Variants in CABCOCO1 observed in about 807,000 individuals in gnomAD.
CABCOCO1 encodes ciliary associated calcium binding coiled-coil 1.
CABCOCO1 carries 28 observed loss-of-function variants against 35.7 expected under a neutral mutation model. The observed-to-expected ratio is 0.78, with a 90% CI of 0.58 to 1.07. The LOEUF (loss-of-function observed/expected upper bound fraction) is 1.07. CABCOCO1 is among the 50% of genes least tolerant of loss of function. CABCOCO1 has a pLI of 0.00. For synonymous variants in CABCOCO1, 95 were observed against 100.1 expected, an observed-to-expected ratio of 0.95 and a Z score of 0.30; for missense variants, 326 against 309.2, an observed-to-expected ratio of 1.05 and a Z score of -0.41.
chr10:61,686,964 TG>T (rs1839984055), intron 4 of CABCOCO1, among the ~76,000 whole-genome samples: 1 of 152,208 alleles, frequency 6.6e-6, no homozygotes, highest in Non-Finnish European at 1.5e-5. Context: ...ATAATATTTT[TG>T]TTCCTCTTGT....
chr10:61,738,631 T>A (rs2132064048), intron 5 of CABCOCO1, among the ~76,000 whole-genome samples: 1 of 152,318 alleles, frequency 6.6e-6, no homozygotes, highest in East Asian at 1.9e-4. Flanking sequence ...ATATTTTGTC[T>A]TCTCAAAAAA....
intron 5 of CABCOCO1, among the ~76,000 whole-genome samples, chr10:61,724,274 A>G (rs1041990924): frequency 6.6e-6 from 1 of 152,188 alleles, no homozygotes; most frequent in Non-Finnish European, 1.5e-5. Flanking sequence ...AACCCTAACA[A>G]AATTTGTGAC....
intron 1 of CABCOCO1, among the ~76,000 whole-genome samples, chr10:61,668,454 G>A (rs536348024): frequency 6.6e-6 from 1 of 151,990 alleles, no homozygotes; most frequent in South Asian, 2.1e-4. Context: ...AAAACCATCT[G>A]GGCATGGTGA....
chr10:61,695,966 C>A (rs1314645350), intron 5 of CABCOCO1, among the ~76,000 whole-genome samples: 1 of 151,690 alleles, frequency 6.6e-6, no homozygotes, highest in East Asian at 1.9e-4. Context: ...GAAAATGATT[C>A]CAAACAGAAA....
chr10:61,695,605 G>A (rs2132004200), intron 5 of CABCOCO1, among the ~76,000 whole-genome samples: 1 of 151,798 alleles, frequency 6.6e-6, no homozygotes, highest in African/African-American at 2.4e-5. Context: ...GAAAGATGAA[G>A]ACAATCTTAA....
intron 1 of CABCOCO1, among the ~76,000 whole-genome samples, chr10:61,667,901 A>T (rs1442885840): frequency 1.3e-5 from 2 of 151,960 alleles, no homozygotes; most frequent in Non-Finnish European, 2.9e-5. Flanking sequence ...AGTGTGTTGA[A>T]TTACAATAAT....
At chr10:61,665,886 C>CAA (rs72066420) in intron 1 of CABCOCO1, among the ~76,000 whole-genome samples, 160 of 98,324 alleles carry the variant, frequency 1.6e-3, no homozygotes, top group Middle Eastern at 5.6e-3. Context: ...GACTCCGTCT[C>CAA]AAAAAAAAAA....
intron 2 of CABCOCO1, among the ~76,000 whole-genome samples, chr10:61,675,587 G>A (rs536287965): frequency 5.4e-4 from 82 of 152,196 alleles, no homozygotes; most frequent in Middle Eastern, 3.4e-3. Context: ...AATATTCAGG[G>A]CAAATATTTA....
chr10:61,675,474 A>G (rs982209117), intron 2 of CABCOCO1, among the ~76,000 whole-genome samples: 1 of 152,224 alleles, frequency 6.6e-6, no homozygotes, highest in Admixed American at 6.5e-5. Context: ...AAGATGAAAA[A>G]GGTCAAAGAG....
At chr10:61,682,216 T>C (rs564428049) in intron 3 of CABCOCO1, among the ~76,000 whole-genome samples, 17 of 152,202 alleles carry the variant, frequency 1.1e-4, no homozygotes, top group Non-Finnish European at 2.4e-4. Flanking sequence ...ATATTGTTGA[T>C]ATTATTGCAA....
intron 1 of CABCOCO1, among the ~76,000 whole-genome samples, chr10:61,664,911 GTTC>G: frequency 6.6e-6 from 1 of 152,106 alleles, no homozygotes; most frequent in East Asian, 1.9e-4. Flanking sequence ...ATACTGAAAG[GTTC>G]TTCTCAGATC....
At chr10:61,692,518 G>T (rs1365019031) in intron 5 of CABCOCO1, among the ~76,000 whole-genome samples, 1 of 152,120 alleles carries the variant, frequency 6.6e-6, no homozygotes, top group East Asian at 1.9e-4. Flanking sequence ...GAAATAAACA[G>T]TGAGTAACAG....
At chr10:61,677,460 A>C (rs944531536) in intron 2 of CABCOCO1, among the ~76,000 whole-genome samples, 8 of 151,966 alleles carry the variant, frequency 5.3e-5, no homozygotes, top group African/African-American at 1.5e-4. Context: ...AAGGCTTCCT[A>C]TTTCTCCTTC....
chr10:61,710,892 C>A (rs1165183385), intron 5 of CABCOCO1, among the ~76,000 whole-genome samples: 1 of 151,838 alleles, frequency 6.6e-6, no homozygotes, highest in East Asian at 1.9e-4. Flanking sequence ...TCACTCCAGG[C>A]ATTTGCTGAT....
chr10:61,747,462 G>A (rs1366161100), intron 5 of CABCOCO1, among the ~76,000 whole-genome samples: 1 of 151,956 alleles, frequency 6.6e-6, no homozygotes, highest in African/African-American at 2.4e-5. Flanking sequence ...GGGCAATGAC[G>A]ATAATCATTT....
intron 5 of CABCOCO1, among the ~76,000 whole-genome samples, chr10:61,738,295 C>G (rs1372126079): frequency 6.6e-6 from 1 of 152,142 alleles, no homozygotes; most frequent in African/African-American, 2.4e-5. Flanking sequence ...AGAAAGGTAG[C>G]AGGAGCCTAG....
chr10:61,665,566 A>G (rs1368656065), intron 1 of CABCOCO1, among the ~76,000 whole-genome samples: 1 of 152,022 alleles, frequency 6.6e-6, no homozygotes, highest in East Asian at 1.9e-4. Flanking sequence ...TTTTTTTCAT[A>G]TAGTGACTTT....
intron 5 of CABCOCO1, among the ~76,000 whole-genome samples, chr10:61,759,288 C>T (rs1265013696): frequency 2.0e-5 from 3 of 152,008 alleles, no homozygotes; most frequent in African/African-American, 7.2e-5. Flanking sequence ...TCAAATGTTG[C>T]TTATTAAACA....
At chr10:61,731,571 C>T (rs540904635) in intron 5 of CABCOCO1, among the ~76,000 whole-genome samples, 1 of 151,886 alleles carries the variant, frequency 6.6e-6, no homozygotes, top group South Asian at 2.1e-4. Flanking sequence ...CCTCAAAATA[C>T]TTCTAAGGAG....
Sources: allele counts gnomAD v4.1 joint callset (sites outside exome capture counted in the v4.1 genomes callset), GRCh38; gene constraint gnomAD v4.1.1; transcripts MANE v1.5; gene names NCBI Gene and HGNC (gene_info 2026-07-23, HGNC 2026-07-21).